The following ABAT variants were observed in gnomAD, a reference collection of about 807,000 sequenced individuals.
ABAT encodes the protein 4-aminobutyrate aminotransferase, mitochondrial.
ABAT carries 45 observed loss-of-function variants against 64.6 expected under a neutral mutation model. That is an observed-to-expected ratio of 0.70 (90% confidence interval 0.55 to 0.89). The LOEUF (loss-of-function observed/expected upper bound fraction) is 0.89. Ranked by LOEUF, ABAT falls within the 40% of genes least tolerant of loss-of-function variation. The pLI is 0.00. For missense variants in ABAT, 633 were observed against 658.4 expected, an observed-to-expected ratio of 0.96 and a Z score of 0.42; for synonymous variants, 297 against 250.5, an observed-to-expected ratio of 1.19 and a Z score of -1.75.
chr16:8,739,105 C>T (rs1596445020), intron 2 of ABAT, among the ~76,000 whole-genome samples: 1 of 152,210 alleles, frequency 6.6e-6, no homozygotes, highest in South Asian at 2.1e-4. Context: ...CTGTTGGGCA[C>T]CTACTGCATG....
chr16:8,683,898 T>G (rs1301777838), intron 1 of ABAT, among the ~76,000 whole-genome samples: 1 of 152,038 alleles, frequency 6.6e-6, no homozygotes, highest in Non-Finnish European at 1.5e-5. Flanking sequence ...TATTGCATGA[T>G]TTCCATGTGC....
At chr16:8,702,716 G>GA (rs1187333798) in intron 1 of ABAT, among the ~76,000 whole-genome samples, 1 of 12,606 alleles carries the variant, frequency 7.9e-5, no homozygotes, top group Non-Finnish European at 2.3e-4. Context: ...AGATTTGGGT[G>GA]GGACATGGAT....
In ABAT at chr16:8,768,993, G is replaced by A. The variant is rs2060024764; in HGVS notation, c.816+20G>A. On this transcript the variant is annotated intron_variant, in intron 11 of 15. Transcript: ENST00000268251. ...GAAGAGGTAATGCTCATACCCTGCG[G>A]ATCCTCCCCAACCACCAGTCCTGTT... The A allele has an allele frequency of 1.2e-6, 2 of 1,613,920 alleles. No individual in the cohort carries two copies. The highest frequency in any genetic ancestry group is 2.2e-5 in the East Asian group (1 of 44,868).
Position 8,781,661 on chromosome 16 carries a change from A to G in ABAT, c.*231A>G. 2 of 611,394 alleles carry G rather than the reference A, an allele frequency of 3.3e-6. No homozygotes were observed. The highest frequency in any genetic ancestry group is 5.8e-6 in the Non-Finnish European group (2 of 344,424). The allele number at this position is 611,394 out of a possible 1,614,324, so 37.9% of individuals were successfully genotyped here. A position where few individuals can be genotyped will look rare whatever the true frequency, so the allele number is the denominator to read the frequency against. On this transcript the variant is annotated 3_prime_UTR_variant, in exon 16 of 16. Transcript: ENST00000268251. The surrounding 1 kb of genome is among the most constrained non-coding windows in gnomAD (Gnocchi z 4.5). ...GGTGCACATTGGTTTAAGCCCAGAGATCCTGCTTGAGCCCTGGACTCATCT... is the reference window on the plus strand; with the variant it reads ...GGTGCACATTGGTTTAAGCCCAGAGGTCCTGCTTGAGCCCTGGACTCATCT...
Position 8,735,707 on chromosome 16 carries a change from C to T in ABAT, c.-33C>T. On this transcript the variant is annotated 5_prime_UTR_variant, in exon 2 of 16. Coordinates refer to ENST00000268251, the MANE Select transcript of ABAT (RefSeq NM_020686.6). ...TTTCTGGTTTCTTTCAGGGTGGCAG[C>T]ACGCAAAGGGTGTCCCTGTCCCTCA... 2 of 1,571,154 alleles carry T rather than the reference C, an allele frequency of 1.3e-6. No individual in the cohort carries two copies. The highest frequency in any genetic ancestry group is 1.2e-5 in the South Asian group (1 of 85,880).
chr16:8,728,729 C>G (rs1184218154), intron 1 of ABAT, among the ~76,000 whole-genome samples: 3 of 152,090 alleles, frequency 2.0e-5, no homozygotes, highest in African/African-American at 7.2e-5. Flanking sequence ...CACAAATTAG[C>G]CAGGTGTGGT....
intron 1 of ABAT, among the ~76,000 whole-genome samples, chr16:8,716,128 T>C (rs1416133876): frequency 6.6e-6 from 1 of 152,140 alleles, no homozygotes; most frequent in Non-Finnish European, 1.5e-5. Context: ...ATGGGAGAGC[T>C]CTATCACACC....
chr16:8,748,011 G>GAA, intron 3 of ABAT, 97 bp from the exon 4 acceptor site: 1 of 1,231,954 alleles, frequency 8.1e-7, no homozygotes, highest in Non-Finnish European at 1.2e-6. Context: ...ATTGGCAAAA[G>GAA]AAAAAAATGC....
chr16:8,753,259 AC>A (rs1418866556), intron 5 of ABAT, among the ~76,000 whole-genome samples: 4 of 151,718 alleles, frequency 2.6e-5, no homozygotes, highest in African/African-American at 4.8e-5. Flanking sequence ...ATGCCTGGCT[AC>A]TTTTTTTTGT....
intron 1 of ABAT, among the ~76,000 whole-genome samples, chr16:8,723,845 T>A (rs2142212235): frequency 9.0e-6 from 1 of 111,210 alleles, no homozygotes; most frequent in Admixed American, 9.1e-5. Flanking sequence ...TTTTTTTTTT[T>A]TTTTTTTTTT....
At chr16:8,731,066 G>A (rs755475474) in intron 1 of ABAT, among the ~76,000 whole-genome samples, 7 of 152,092 alleles carry the variant, frequency 4.6e-5, no homozygotes, top group Non-Finnish European at 7.3e-5. Flanking sequence ...AGGTTCAAGC[G>A]ATTCTTGTGC....
chr16:8,755,739 C>T (rs983293611), intron 5 of ABAT, among the ~76,000 whole-genome samples: 2 of 146,610 alleles, frequency 1.4e-5, no homozygotes, highest in Admixed American at 6.8e-5. Context: ...GGCAAAACCT[C>T]ATATCTACTA....
intron 5 of ABAT, among the ~76,000 whole-genome samples, chr16:8,756,603 G>T (rs1208988553): frequency 1.3e-5 from 2 of 152,176 alleles, no homozygotes; most frequent in East Asian, 1.9e-4. Flanking sequence ...CTTCTAGAGA[G>T]ATACTCAGTG....
chr16:8,701,119 G>C (rs1304273088), intron 1 of ABAT, among the ~76,000 whole-genome samples: 4 of 152,044 alleles, frequency 2.6e-5, no homozygotes, highest in Non-Finnish European at 2.9e-5. Flanking sequence ...TGTATTTTTA[G>C]TAGAGACGGG....
chr16:8,694,115 T>C (rs2057646531), intron 1 of ABAT, among the ~76,000 whole-genome samples: 1 of 151,818 alleles, frequency 6.6e-6, no homozygotes, highest in South Asian at 2.1e-4. Context: ...CTGCAAGCTC[T>C]GCCTCCCAGG....
intron 6 of ABAT, among the ~76,000 whole-genome samples, chr16:8,759,025 C>G (rs978873398): frequency 1.3e-5 from 2 of 152,006 alleles, no homozygotes; most frequent in African/African-American, 4.8e-5. Context: ...TTGCTTGAAC[C>G]CAGGAGGTGG....
chr16:8,743,273 T>A (rs555468728), intron 2 of ABAT, among the ~76,000 whole-genome samples: 2 of 149,748 alleles, frequency 1.3e-5, no homozygotes, highest in East Asian at 3.9e-4. Flanking sequence ...TGTTTCAAAA[T>A]CTCATAGCTT....
At chr16:8,763,935 G>A (rs1273402) in intron 6 of ABAT, 134 bp from the exon 7 acceptor site, 4 of 765,080 alleles carry the variant, frequency 5.2e-6, no homozygotes, top group Admixed American at 3.8e-5. Flanking sequence ...CATGCCCCAC[G>A]CTGACAGAAC....
intron 1 of ABAT, among the ~76,000 whole-genome samples, chr16:8,728,192 C>G (rs976252114): frequency 1.4e-4 from 21 of 152,246 alleles, no homozygotes; most frequent in African/African-American, 4.8e-4. Context: ...ATGACGTTAA[C>G]TCTTCCAATT....
Sources: allele counts gnomAD v4.1 joint callset (sites outside exome capture counted in the v4.1 genomes callset), GRCh38; gene constraint gnomAD v4.1.1; non-coding constraint Gnocchi (gnomAD v3.1); transcripts MANE v1.5; gene names NCBI Gene and HGNC (gene_info 2026-07-23, HGNC 2026-07-21).